KIRREL3: variants seen among roughly 807,000 people sequenced by gnomAD.
The protein encoded by KIRREL3 is kin of IRRE-like protein 3.
In KIRREL3, 36 loss-of-function variants were observed where a neutral mutation model predicts 89.7. That is an observed-to-expected ratio of 0.40 (90% CI 0.31 to 0.53). KIRREL3 has a LOEUF of 0.53. Ranked by LOEUF, KIRREL3 falls within the 20% of genes least tolerant of loss-of-function variation. KIRREL3 has a pLI of 0.49. For synonymous variants in KIRREL3, 445 were observed against 441.4 expected (o/e 1.01, Z -0.10); for missense variants, 864 against 1,056.6 (o/e 0.82, Z 2.53).
intron 1 of KIRREL3, among the ~76,000 whole-genome samples, chr11:126,823,346 C>T (rs777078887): frequency 3.3e-5 from 5 of 152,126 alleles, no homozygotes; most frequent in Non-Finnish European, 5.9e-5. Context: ...ACCTCCAGGG[C>T]CTTTGCTTTT....
chr11:126,833,322 A>C (rs1943671716), intron 1 of KIRREL3, among the ~76,000 whole-genome samples: 1 of 152,248 alleles, frequency 6.6e-6, no homozygotes, highest in African/African-American at 2.4e-5. Context: ...CACAAGTGCA[A>C]GTTAAAATAA....
At chr11:126,894,877 T>A (rs893823396) in intron 1 of KIRREL3, among the ~76,000 whole-genome samples, 1 of 152,152 alleles carries the variant, frequency 6.6e-6, no homozygotes, top group African/African-American at 2.4e-5. Context: ...TCTGCTGAGC[T>A]CTGAGGGATG....
chr11:126,460,311 G>C (rs1337072915), intron 6 of KIRREL3, among the ~76,000 whole-genome samples: 1 of 152,166 alleles, frequency 6.6e-6, no homozygotes, highest in Non-Finnish European at 1.5e-5. Context: ...GTAGGTGTGG[G>C]GCACTCACAA....
intron 7 of KIRREL3, among the ~76,000 whole-genome samples, chr11:126,452,250 A>G (rs1342633862): frequency 1.3e-5 from 2 of 152,258 alleles, no homozygotes; most frequent in East Asian, 3.8e-4. Context: ...CCAACAAACC[A>G]TTATGAGTTA....
In KIRREL3 at chr11:126,523,902, T is replaced by C. The variant is rs1958671482; in HGVS notation, c.284-2438A>G. Among the ~76,000 whole-genome samples, 1 of 152,152 alleles carries C rather than the reference T, an allele frequency of 6.6e-6. No individual in the cohort carries two copies. Among genetic ancestry groups the C allele is most frequent in the South Asian group, 2.1e-4 (1 of 4,824 alleles). On this transcript the variant is annotated intron_variant, in intron 3 of 16. Transcript: ENST00000525144. The surrounding 1 kb of genome is among the most constrained non-coding windows in gnomAD (Gnocchi z 4.9). ...CACGAGCTGCTGAAAACATCAGTGA[T>C]GGGTTTGTTTGTATTTGCCTAATTA...
upstream of KIRREL3, among the ~76,000 whole-genome samples, chr11:127,001,881 T>C (rs1232405167): frequency 6.6e-6 from 1 of 151,930 alleles, no homozygotes; most frequent in Non-Finnish European, 1.5e-5. Context: ...ATATTCAACG[T>C]TATGCACTGT....
At chr11:126,451,817 C>CT (rs376691654) in intron 7 of KIRREL3, among the ~76,000 whole-genome samples, 1,729 of 151,924 alleles carry the variant, frequency 0.011, 33 homozygotes, top group African/African-American at 0.039. Flanking sequence ...TCCCAACATT[C>CT]TTTTTTTTGA....
At chr11:126,921,293 A>C (rs1246787457) in intron 1 of KIRREL3, among the ~76,000 whole-genome samples, 1 of 152,168 alleles carries the variant, frequency 6.6e-6, no homozygotes, top group African/African-American at 2.4e-5. Flanking sequence ...ATTGCCGGCT[A>C]TCCTGGGTCT....
intron 12 of KIRREL3, 133 bp downstream of exon 12, chr11:126,436,678 C>T (rs1955347993): frequency 4.2e-6 from 4 of 941,318 alleles, no homozygotes; most frequent in African/African-American, 1.6e-5. Flanking sequence ...GCTGTGTGGT[C>T]AGCCAGGAAG....
At chr11:126,593,094 T>A (rs1591791395) in intron 1 of KIRREL3, among the ~76,000 whole-genome samples, 1 of 151,924 alleles carries the variant, frequency 6.6e-6, no homozygotes, top group Non-Finnish European at 1.5e-5. Context: ...GGGTCTCCAA[T>A]AGGAAAAAAG....
Position 126,615,038 on chromosome 11 carries a change from G to A in KIRREL3, c.56-52126C>T, listed in dbSNP as rs915356242. Among the ~76,000 whole-genome samples the A allele has an allele frequency of 3.9e-5, 6 of 152,160 alleles. No homozygotes were observed. The highest frequency in any genetic ancestry group is 3.2e-3 in the Middle Eastern group (1 of 316). On this transcript the variant is annotated intron_variant, in intron 1 of 16. Coordinates refer to ENST00000525144, the MANE Select transcript of KIRREL3 (RefSeq NM_032531.4). This position sits in a 1 kb window ranked among gnomAD's most constrained non-coding sequence, Gnocchi z 5.4. Reference sequence around the variant, plus strand: ...GCGGTCTTCAAGAGGCTGAAAGGCTGTCATGTGGAAGAGGGATTGGAGTGA... The same window carrying A: ...GCGGTCTTCAAGAGGCTGAAAGGCTATCATGTGGAAGAGGGATTGGAGTGA...
At chr11:126,774,558 C>T (rs1242110951) in intron 1 of KIRREL3, among the ~76,000 whole-genome samples, 3 of 152,198 alleles carry the variant, frequency 2.0e-5, no homozygotes, top group African/African-American at 4.8e-5. Context: ...GCAGCTTGAG[C>T]GTGCAGTATG....
chr11:126,738,031 AC>A (rs1565691436), intron 1 of KIRREL3, among the ~76,000 whole-genome samples: 3 of 151,698 alleles, frequency 2.0e-5, no homozygotes, highest in African/African-American at 4.8e-5. Context: ...CCTTCCCACT[AC>A]CCTTCCCAGC....
rs930600217 is a variant in KIRREL3, at chr11:126,587,609, C to T, written c.56-24697G>A. ...TGAAAGAGGAGCACGCAGCACCAAT[C>T]CCTGAATCAAAATAAAAATCCGGCT... On this transcript the variant is annotated intron_variant, in intron 1 of 16. Coordinates refer to ENST00000525144, the MANE Select transcript of KIRREL3 (RefSeq NM_032531.4). The surrounding 1 kb of genome is among the most constrained non-coding windows in gnomAD (Gnocchi z 5.2). 6.6e-6 allele frequency among the ~76,000 whole-genome samples: 1 copy of T among 152,190 alleles called. No individual in the cohort carries two copies. Among genetic ancestry groups the T allele is most frequent in the Admixed American group, 6.5e-5 (1 of 15,282 alleles).
At chr11:126,949,140 C>A (rs1287673850) in intron 1 of KIRREL3, among the ~76,000 whole-genome samples, 2 of 152,212 alleles carry the variant, frequency 1.3e-5, no homozygotes, top group African/African-American at 2.4e-5. Flanking sequence ...CCTCAGCTTT[C>A]TAAATATGAA....
At chr11:126,935,804 C>T (rs1948160981) in intron 1 of KIRREL3, 2 of 152,154 alleles carry the variant, frequency 1.3e-5, no homozygotes, top group Non-Finnish European at 2.9e-5. Context: ...GTGGTAGATG[C>T]AAGTCATTAT....
chr11:126,561,166 C>G lies in KIRREL3; in HGVS notation c.133+1669G>C, dbSNP rs1284324791. ...GCTTCCTCCCTCCAGAGCCCTCCCT[C>G]TCCTTCACCTCTGCCTTCCAGCTCT... On this transcript the variant is annotated intron_variant, in intron 2 of 16. Transcript: ENST00000525144. This position sits in a 1 kb window ranked among gnomAD's most constrained non-coding sequence, Gnocchi z 4.5. Among the ~76,000 whole-genome samples the G allele has an allele frequency of 6.6e-6, 1 of 152,182 alleles. No individual in the cohort carries two copies. Among genetic ancestry groups the G allele is most frequent in the Non-Finnish European group, 1.5e-5 (1 of 68,028 alleles).
rs1477380394 is a variant in KIRREL3, at chr11:126,645,015, C to T, written c.56-82103G>A. 6.6e-6 allele frequency among the ~76,000 whole-genome samples: 1 copy of T among 152,038 alleles called. No homozygotes were observed. The highest frequency in any genetic ancestry group is 2.4e-5 in the African/African-American group (1 of 41,408). ...GAAGAGGTGAGGACTTGGGATGAAC[C>T]TTGAGGGAGGGGTTGGGGTTGAAGT... is the stretch of plus-strand genomic sequence containing the variant. On this transcript the variant is annotated intron_variant, in intron 1 of 16. Coordinates refer to ENST00000525144, the MANE Select transcript of KIRREL3 (RefSeq NM_032531.4). The surrounding 1 kb of genome is among the most constrained non-coding windows in gnomAD (Gnocchi z 4.9).
At chr11:126,878,319 A>G (rs1290078645) in intron 1 of KIRREL3, among the ~76,000 whole-genome samples, 1 of 152,166 alleles carries the variant, frequency 6.6e-6, no homozygotes, top group Non-Finnish European at 1.5e-5. Flanking sequence ...CAGGTGACTA[A>G]TGGGGTCTCA....
Sources: gnomAD v4.1 joint callset for allele counts (sites outside exome capture counted in the v4.1 genomes callset) on GRCh38, gnomAD v4.1.1 for gene constraint, Gnocchi (gnomAD v3.1) non-coding constraint, MANE v1.5 for transcripts, NCBI Gene and HGNC (gene_info 2026-07-23, HGNC 2026-07-21) for gene names.